Variants in ST6GALNAC3 observed in about 807,000 individuals in gnomAD.
ST6GALNAC3 encodes alpha-N-acetylgalactosaminide alpha-2,6-sialyltransferase 3.
Under a neutral mutation model 32.7 loss-of-function variants are expected in ST6GALNAC3, and 25 were observed. The ratio of observed to expected loss-of-function variants is 0.76; its 90% CI spans 0.56 to 1.07. The LOEUF is 1.07. ST6GALNAC3 is among the 50% of genes least tolerant of loss of function. ST6GALNAC3 has a pLI of 0.00. For synonymous variants in ST6GALNAC3, 129 were observed against 133.1 expected, an observed-to-expected ratio of 0.97 and a Z score of 0.21; for missense variants, 355 against 382.4, an observed-to-expected ratio of 0.93 and a Z score of 0.60.
Position 76,630,048 on chromosome 1 carries a change from C to A in ST6GALNAC3, c.*1242C>A. On this transcript the variant is annotated 3_prime_UTR_variant, in exon 5 of 5. Transcript: ENST00000328299. ...TTAGAGTCCTTTAACATCTGTTATA[C>A]CATGTGATGCCCTTGAACACCCCAT... The A allele has an allele frequency of 1.0e-6, 1 of 985,182 alleles. No individual in the cohort carries two copies. Among genetic ancestry groups the A allele is most frequent in the Non-Finnish European group, 1.2e-6 (1 of 829,810 alleles). The allele number at this position is 985,182 out of a possible 1,614,324, so 61.0% of individuals were successfully genotyped here. A position where few individuals can be genotyped will look rare whatever the true frequency, so the allele number is the denominator to read the frequency against.
At chr1:76,134,789 A>G (rs1649832761) in intron 1 of ST6GALNAC3, among the ~76,000 whole-genome samples, 1 of 152,250 alleles carries the variant, frequency 6.6e-6, no homozygotes, top group South Asian at 2.1e-4. Flanking sequence ...GTCTCTTTCA[A>G]GAACGCTCAG....
intron 1 of ST6GALNAC3, among the ~76,000 whole-genome samples, chr1:76,187,838 A>C (rs931928429): frequency 5.3e-5 from 8 of 152,140 alleles, no homozygotes; most frequent in Non-Finnish European, 1.2e-4. Flanking sequence ...CCATGTAGCT[A>C]ACTTCCGGTC....
At chr1:76,547,688 A>G (rs1009419254) in intron 3 of ST6GALNAC3, among the ~76,000 whole-genome samples, 3 of 152,032 alleles carry the variant, frequency 2.0e-5, no homozygotes, top group Non-Finnish European at 4.4e-5. Flanking sequence ...CCCCATCTCT[A>G]CTAAAAATAC....
At chr1:76,576,603 A>C (rs1476060949) in intron 3 of ST6GALNAC3, among the ~76,000 whole-genome samples, 1 of 152,020 alleles carries the variant, frequency 6.6e-6, no homozygotes, top group Non-Finnish European at 1.5e-5. Context: ...CTGGCTTACA[A>C]AAGAGACATC....
chr1:76,550,999 A>T (rs2100360385), intron 3 of ST6GALNAC3, among the ~76,000 whole-genome samples: 1 of 152,220 alleles, frequency 6.6e-6, no homozygotes, highest in Non-Finnish European at 1.5e-5. Flanking sequence ...ATCTCAGGTG[A>T]TCTGCACCCC....
intron 1 of ST6GALNAC3, among the ~76,000 whole-genome samples, chr1:76,259,422 G>A (rs954335677): frequency 3.3e-5 from 5 of 152,120 alleles, no homozygotes; most frequent in African/African-American, 1.2e-4. Flanking sequence ...CGTTTCATGT[G>A]ACAATATCTA....
At chr1:76,523,194 A>T (rs1157109733) in intron 3 of ST6GALNAC3, among the ~76,000 whole-genome samples, 1 of 152,178 alleles carries the variant, frequency 6.6e-6, no homozygotes, top group Non-Finnish European at 1.5e-5. Flanking sequence ...TAGATAGAAC[A>T]TGACTGGTTC....
chr1:76,403,921 A>C (rs1653619731), intron 2 of ST6GALNAC3, among the ~76,000 whole-genome samples: 1 of 151,570 alleles, frequency 6.6e-6, no homozygotes, highest in Admixed American at 6.6e-5. Flanking sequence ...TCTTGGTTTG[A>C]GAAAACGTGT....
chr1:76,266,694 ACCCAT>A (rs1387396603), intron 1 of ST6GALNAC3, among the ~76,000 whole-genome samples: 1 of 152,088 alleles, frequency 6.6e-6, no homozygotes, highest in East Asian at 1.9e-4. Context: ...GATTTTAGCC[ACCCAT>A]CTAAGCTTCC....
At chr1:76,353,850 T>C (rs1649211001) in intron 2 of ST6GALNAC3, 1 of 153,244 alleles carries the variant, frequency 6.5e-6, no homozygotes, top group African/African-American at 2.4e-5. Flanking sequence ...CACTTAAACA[T>C]GGATCTGGCC....
chr1:76,203,239 A>G (rs1654632160), intron 1 of ST6GALNAC3, among the ~76,000 whole-genome samples: 1 of 152,170 alleles, frequency 6.6e-6, no homozygotes, highest in South Asian at 2.1e-4. Context: ...GCTCAAATAA[A>G]TCAGAATCTG....
intron 1 of ST6GALNAC3, among the ~76,000 whole-genome samples, chr1:76,306,750 A>G (rs759409960): frequency 6.6e-6 from 1 of 151,810 alleles, no homozygotes; most frequent in African/African-American, 2.4e-5. Context: ...ATCAGATGAC[A>G]TGATAAGAGG....
At position 76,564,266 on chromosome 1, in the gene ST6GALNAC3, A is replaced by T. The variant is rs1665416211; in HGVS notation, c.624-63186A>T. Among the ~76,000 whole-genome samples, 4 of 152,160 alleles carry T rather than the reference A, an allele frequency of 2.6e-5. No homozygotes were observed. In the South Asian group the frequency reaches 8.3e-4, roughly 32 times the overall value. On this transcript the variant is annotated intron_variant, in intron 3 of 4. Transcript: ENST00000328299. The stretch of plus-strand genomic sequence containing the variant: ...AGAGATTATAGAAGAAAAGAAACTG[A>T]ATTACCAGGTCTTCAATAATTTGTT...
At chr1:76,445,006 A>G (rs938327160) in intron 3 of ST6GALNAC3, among the ~76,000 whole-genome samples, 6 of 152,230 alleles carry the variant, frequency 3.9e-5, no homozygotes, top group Non-Finnish European at 5.9e-5. Flanking sequence ...AGTACTGACT[A>G]GAAAGTTCTA....
chr1:76,262,280 G>A (rs899405966), intron 1 of ST6GALNAC3, among the ~76,000 whole-genome samples: 1 of 152,154 alleles, frequency 6.6e-6, no homozygotes, highest in Non-Finnish European at 1.5e-5. Context: ...ATTTTCCCAG[G>A]TTAGTGGAAC....
chr1:76,192,169 A>G (rs1201065498), intron 1 of ST6GALNAC3, among the ~76,000 whole-genome samples: 2 of 152,184 alleles, frequency 1.3e-5, no homozygotes, highest in African/African-American at 4.8e-5. Context: ...TATAATACTG[A>G]TATAAAATGT....
At chr1:76,370,071 TG>T (rs1200970628) in intron 2 of ST6GALNAC3, among the ~76,000 whole-genome samples, 1 of 152,206 alleles carries the variant, frequency 6.6e-6, no homozygotes, top group Admixed American at 6.5e-5. Flanking sequence ...TAAAGCCTCT[TG>T]CTGTTTTTCT....
chr1:76,208,049 C>CA (rs1553165404), intron 1 of ST6GALNAC3, among the ~76,000 whole-genome samples: 2 of 51,156 alleles, frequency 3.9e-5, no homozygotes, highest in South Asian at 1.7e-3. Context: ...GTGCCCCCCC[C>CA]CCCAAAAAAT....
At chr1:76,395,022 G>T (rs115174512) in intron 2 of ST6GALNAC3, among the ~76,000 whole-genome samples, 2,156 of 152,294 alleles carry the variant, frequency 0.014, 56 homozygotes, top group African/African-American at 0.048. Flanking sequence ...AATTGGTCTG[G>T]TTTGACTTAA....
Sources: gnomAD v4.1 joint callset for allele counts (sites outside exome capture counted in the v4.1 genomes callset) on GRCh38, gnomAD v4.1.1 for gene constraint, MANE v1.5 for transcripts, NCBI Gene and HGNC (gene_info 2026-07-23, HGNC 2026-07-21) for gene names.